Variants in NOTCH1 observed in about 807,000 individuals in gnomAD.
The protein encoded by NOTCH1 is notch receptor 1.
NOTCH1 carries 37 observed loss-of-function variants against 254.8 expected under a neutral mutation model. The observed-to-expected ratio is 0.15, with a 90% confidence interval of 0.11 to 0.19. The LOEUF (loss-of-function observed/expected upper bound fraction) is 0.19, where lower values mean the gene tolerates loss of function less well. Among genes scored for constraint, NOTCH1 ranks in the 10% least tolerant of loss-of-function variants. NOTCH1 has a pLI of 1.00. For synonymous variants in NOTCH1, 1,731 were observed against 1,618.1 expected, an observed-to-expected ratio of 1.07 and a Z score of -1.68; for missense variants, 2,972 against 3,708.6, an observed-to-expected ratio of 0.80 and a Z score of 5.16.
chr9:136,502,878 A>C (rs1564189308), intron 27 of NOTCH1: 1 of 608,806 alleles, frequency 1.6e-6, no homozygotes, highest in Non-Finnish European at 3.0e-6. Context: ...TTCTTTAAAA[A>C]AAGCCGTAAT....
intron 26 of NOTCH1, 32 bp downstream of exon 26, chr9:136,504,641 G>T (rs1427922437): frequency 6.7e-7 from 1 of 1,485,268 alleles, no homozygotes. Context: ...GAGAGTTGCG[G>T]GGATTGACCG....
intron 31 of NOTCH1, 55 bp downstream of exon 31, chr9:136,500,497 G>A (rs2133325176): frequency 4.4e-6 from 7 of 1,597,864 alleles, no homozygotes; most frequent in Non-Finnish European, 6.0e-6. Flanking sequence ...CACTGCCCCA[G>A]ACCACCAGGC....
intron 2 of NOTCH1, chr9:136,543,563 A>AGAGGCATCACCACCCACCTAG: frequency 3.0e-6 from 1 of 333,152 alleles, no homozygotes; most frequent in Non-Finnish European, 5.8e-6. Flanking sequence ...TACCAGCCCA[A>AGAGGCATCACCACCCACCTAG]GAGGCATCAC....
At chr9:136,519,259 AG>A (rs1375941716) in intron 5 of NOTCH1, among the ~76,000 whole-genome samples, 183 bp downstream of exon 5, 16 of 152,164 alleles carry the variant, frequency 1.1e-4, no homozygotes, top group Non-Finnish European at 2.9e-5. Context: ...CCCCGAGGTG[AG>A]GGGCACCAGA....
In NOTCH1 at chr9:136,503,292, A is replaced by G; in HGVS notation, c.5057T>C (p.Val1686Ala). 1.9e-6 allele frequency: 3 copies of G among 1,612,976 alleles called. No individual in the cohort carries two copies. Among genetic ancestry groups the G allele is most frequent in the Non-Finnish European group, 2.5e-6 (3 of 1,179,912 alleles). The part of the protein sequence containing the change: ...VYLEIDNRQC[V>A]QASSQCFQSA... ...CTGGAAGCACTGCGAGGAGGCCTGC[A>G]CACACTGCCGGTTGTCAATCTCCAG... The change falls in exon 27 of 34, where the codon GTG becomes GCG. Residue 1686 changes from valine (V) to alanine (A), a missense_variant. Coordinates refer to ENST00000651671, the MANE Select transcript of NOTCH1 (RefSeq NM_017617.5).
intron 2 of NOTCH1, among the ~76,000 whole-genome samples, chr9:136,530,567 G>A (rs895499986): frequency 7.1e-6 from 1 of 141,460 alleles, no homozygotes; most frequent in Admixed American, 7.0e-5. Context: ...GAGACCCCAG[G>A]AACTAGGTGT....
At position 136,497,218 on chromosome 9, in the gene NOTCH1, T is replaced by C. The variant is rs761602495; in HGVS notation, c.6521A>G (p.Lys2174Arg). 70 of 1,612,622 alleles carry C rather than the reference T, an allele frequency of 4.3e-5. No individual in the cohort carries two copies. The highest frequency in any genetic ancestry group is 5.1e-5 in the Non-Finnish European group (60 of 1,179,958). Reference sequence around the variant, plus strand: ...CTTCTTCCTCCGTGCCTTGAGGTCCTTGGCCTCCTTGCTTCCACAGGCCAG... The same window carrying C: ...CTTCTTCCTCCGTGCCTTGAGGTCCCTGGCCTCCTTGCTTCCACAGGCCAG... ...KGLACGSKEAKDLKARRKKSQ... is the reference protein window; with the variant it reads ...KGLACGSKEARDLKARRKKSQ... Residue 2174 changes from lysine (K) to arginine (R), a missense_variant, in exon 34 of 34, where the codon AAG becomes AGG. By Grantham distance (26) the Lys-to-Arg change is conservative (BLOSUM62 2). Around this residue, in one of 8 missense-constraint regions of NOTCH1, gnomAD observed 529 missense variants for 529.2 expected, o/e 1.00. Transcript: ENST00000651671.
At chr9:136,502,676 C>T (rs960800309) in intron 27 of NOTCH1, 188 bp from the exon 28 acceptor site, 4 of 574,954 alleles carry the variant, frequency 7.0e-6, no homozygotes, top group Admixed American at 6.6e-5. Context: ...TCGCTAAATT[C>T]TCTCCTGCAC....
At chr9:136,517,026 C>T (rs1332088145) in intron 9 of NOTCH1, among the ~76,000 whole-genome samples, 5 of 149,220 alleles carry the variant, frequency 3.4e-5, no homozygotes, top group Admixed American at 6.6e-5. Context: ...ACACAATCCA[C>T]GGCCAGGCCC....
At chr9:136,518,041 T>A (rs1589068344) in intron 7 of NOTCH1, 96 bp downstream of exon 7, 2 of 1,557,366 alleles carry the variant, frequency 1.3e-6, no homozygotes, top group South Asian at 2.3e-5. Context: ...ATCCCCCATC[T>A]AACTGGGCAC....
chr9:136,530,691 T>C (rs1380284070), intron 2 of NOTCH1, among the ~76,000 whole-genome samples: 1 of 152,294 alleles, frequency 6.6e-6, no homozygotes, highest in South Asian at 2.1e-4. Context: ...GGCATGTGTC[T>C]CCTGCCCTGG....
At chr9:136,522,293 A>G (rs1463678842) in intron 4 of NOTCH1, among the ~76,000 whole-genome samples, 3 of 152,152 alleles carry the variant, frequency 2.0e-5, no homozygotes, top group Non-Finnish European at 4.4e-5. Context: ...GGAGGTTTTC[A>G]AAACTCTTCC....
rs752282497 is a variant in NOTCH1, at chr9:136,505,278, C to A, written c.4586+32G>T. ...GCCAGGCCACATCCAAGTTCAGGTCCTCCCTCAGCCCCATGAGCCCCGCAG... is the reference window on the plus strand; with the variant it reads ...GCCAGGCCACATCCAAGTTCAGGTCATCCCTCAGCCCCATGAGCCCCGCAG... On this transcript the variant is annotated intron_variant, in intron 25 of 33. Transcript: ENST00000651671. 16 of 1,550,318 alleles carry A rather than the reference C, an allele frequency of 1.0e-5. No homozygotes were observed. In the African/African-American group the frequency reaches 2.0e-4, roughly 20 times the overall value.
chr9:136,537,910 T>C (rs896032915), intron 2 of NOTCH1, among the ~76,000 whole-genome samples: 2 of 152,110 alleles, frequency 1.3e-5, no homozygotes, highest in Non-Finnish European at 2.9e-5. Flanking sequence ...CTGACCAATA[T>C]GGTGAAACCC....
chr9:136,509,677 T>C, intron 18 of NOTCH1, 56 bp downstream of exon 18: 1 of 1,531,226 alleles, frequency 6.5e-7, no homozygotes, highest in South Asian at 1.1e-5. Context: ...TGCCAGCTAC[T>C]GCGTGTGGCC....
At chr9:136,543,664 G>A (rs1218292834) in intron 2 of NOTCH1, 3 of 422,100 alleles carry the variant, frequency 7.1e-6, no homozygotes, top group Non-Finnish European at 8.9e-6. Context: ...AAGTTGGCAG[G>A]GTGGTGGGGG....
rs760731897 is a variant in NOTCH1, at chr9:136,540,202, T to C, written c.140+3822A>G. On this transcript the variant is annotated intron_variant, in intron 2 of 33. Coordinates refer to ENST00000651671, the MANE Select transcript of NOTCH1 (RefSeq NM_017617.5). This position sits in a 1 kb window ranked among gnomAD's most constrained non-coding sequence, Gnocchi z 4.4. ...ATGTCCCACATGTGAGCTAGGTGCCTCTCTCACGCCTTGCTGGGAAGTGAA... is the reference window on the plus strand; with the variant it reads ...ATGTCCCACATGTGAGCTAGGTGCCCCTCTCACGCCTTGCTGGGAAGTGAA... Among the ~76,000 whole-genome samples the C allele has an allele frequency of 2.6e-5, 4 of 152,132 alleles. No homozygotes were observed. Among genetic ancestry groups the C allele is most frequent in the Admixed American group, 6.5e-5 (1 of 15,268 alleles).
At chr9:136,520,182 T>TC (rs1843344166) in intron 4 of NOTCH1, among the ~76,000 whole-genome samples, 1 of 151,516 alleles carries the variant, frequency 6.6e-6, no homozygotes, top group African/African-American at 2.4e-5. Context: ...TCCACTCAAC[T>TC]CCCGCTGGTT....
At position 136,508,223 on chromosome 9, in the gene NOTCH1, G is replaced by T. The variant is rs1413516206; in HGVS notation, c.3325+9C>A. The T allele has an allele frequency of 2.6e-5, 42 of 1,610,818 alleles. No individual in the cohort carries two copies. The highest frequency in any genetic ancestry group is 3.4e-5 in the Non-Finnish European group (40 of 1,179,104). On this transcript the variant is annotated intron_variant, in intron 20 of 33. Coordinates refer to ENST00000651671, the MANE Select transcript of NOTCH1 (RefSeq NM_017617.5). ...CTGGGACCCGAGCTGGGTGGGCACAGCAGGTTACCTTGTCGCTGCGCAGCC... is the reference window on the plus strand; with the variant it reads ...CTGGGACCCGAGCTGGGTGGGCACATCAGGTTACCTTGTCGCTGCGCAGCC...
Sources: allele counts gnomAD v4.1 joint callset (sites outside exome capture counted in the v4.1 genomes callset), GRCh38; gene constraint gnomAD v4.1.1; regional missense constraint gnomAD v4.1.1; non-coding constraint Gnocchi (gnomAD v3.1); transcripts MANE v1.5; gene names NCBI Gene and HGNC (gene_info 2026-07-23, HGNC 2026-07-21).